Variants in COG7 observed in about 807,000 individuals in gnomAD.
The protein encoded by COG7 is component of oligomeric golgi complex 7, also known as conserved oligomeric Golgi complex subunit 7.
A neutral mutation model predicts 91.5 loss-of-function variants in COG7; 49 were observed. That is an observed-to-expected ratio of 0.54 (90% CI 0.43 to 0.68). The LOEUF (loss-of-function observed/expected upper bound fraction) is 0.68. Ranked by LOEUF, COG7 falls within the 30% of genes least tolerant of loss-of-function variation. COG7 has a pLI of 0.00. For missense variants in COG7, 895 were observed against 961.3 expected, an observed-to-expected ratio of 0.93 and a Z score of 0.91; for synonymous variants, 365 against 388.7, an observed-to-expected ratio of 0.94 and a Z score of 0.72.
In COG7 at chr16:23,424,770, T is replaced by C; in HGVS notation, c.988A>G (p.Met330Val). 11 of 1,614,144 alleles carry C rather than the reference T, an allele frequency of 6.8e-6. No individual in the cohort carries two copies. The highest frequency in any genetic ancestry group is 9.3e-6 in the Non-Finnish European group (11 of 1,180,014). ...ATAHFAKGLE[M>V]ALLPHLHEHN... Reference sequence around the variant, plus strand: ...TTACGTAGGTGGGGGAGCAGTGCCATCTCCAAGCCCTTGGCGAAGTGGGCG... The same window carrying C: ...TTACGTAGGTGGGGGAGCAGTGCCACCTCCAAGCCCTTGGCGAAGTGGGCG... Residue 330 changes from methionine (M) to valine (V), a missense_variant, in exon 7 of 17, where the codon ATG becomes GTG. Coordinates refer to ENST00000307149, the MANE Select transcript of COG7 (RefSeq NM_153603.4).
chr16:23,396,277 C>T (rs1269952660), intron 14 of COG7, among the ~76,000 whole-genome samples: 1 of 152,188 alleles, frequency 6.6e-6, no homozygotes, highest in Non-Finnish European at 1.5e-5. Flanking sequence ...CCTCTCTAGA[C>T]CTCAGTTTCT....
intron 12 of COG7, 66 bp from the exon 13 acceptor site, chr16:23,403,900 A>G: frequency 6.2e-7 from 1 of 1,600,374 alleles, no homozygotes. Context: ...TAGCTAGTTA[A>G]CCATTTTGAA....
At chr16:23,439,304 CAAAAAAAAAAAAA>C (rs904010571) in intron 4 of COG7, among the ~76,000 whole-genome samples, 6 of 38,850 alleles carry the variant, frequency 1.5e-4, no homozygotes, top group South Asian at 7.8e-4. Context: ...ACTGTGTCTC[CAAAAAAAAAAAAA>C]AAAAAAAAAA....
Position 23,452,921 on chromosome 16 carries a change from G to C in COG7, c.74C>G (p.Ser25Cys). 6.2e-7 allele frequency: 1 copy of C among 1,614,086 alleles called. No homozygotes were observed. The highest frequency in any genetic ancestry group is 8.5e-7 in the Non-Finnish European group (1 of 1,179,984). The change falls in exon 1 of 17, where the codon TCC becomes TGC. Residue 25 changes from serine to cysteine, a missense_variant. Coordinates refer to ENST00000307149, the MANE Select transcript of COG7 (RefSeq NM_153603.4). ...CGCCTTCCCGGACGCCGCCTCCTTG[G>C]AGCCGGCCCTGAAGGCCGCATTGAT... ...EWINAAFRAG[S>C]KEAASGKADG...
At chr16:23,444,694 G>A (rs575318020) in intron 3 of COG7, among the ~76,000 whole-genome samples, 63 of 151,508 alleles carry the variant, frequency 4.2e-4, no homozygotes, top group African/African-American at 1.5e-3. Context: ...TTGTAGAGAC[G>A]GGGGTCTCAT....
chr16:23,434,285 C>T (rs1040636785), intron 5 of COG7, among the ~76,000 whole-genome samples: 5 of 151,712 alleles, frequency 3.3e-5, no homozygotes, highest in African/African-American at 9.7e-5. Context: ...AACCCTATCT[C>T]TAAAGAAAAA....
intron 11 of COG7, among the ~76,000 whole-genome samples, chr16:23,407,111 G>T: frequency 6.6e-6 from 1 of 152,186 alleles, no homozygotes; most frequent in Non-Finnish European, 1.5e-5. Flanking sequence ...CAGTTTTTAG[G>T]ATGCACTCAC....
intron 6 of COG7, among the ~76,000 whole-genome samples, chr16:23,433,244 C>T (rs1043801711): frequency 6.6e-6 from 1 of 152,202 alleles, no homozygotes; most frequent in Non-Finnish European, 1.5e-5. Flanking sequence ...AATTGTGCCA[C>T]CACACCTGGC....
Position 23,442,761 on chromosome 16 carries a change from C to T in COG7, c.436-116G>A, listed in dbSNP as rs114815369. ...CAAGTATGAAAATGGGGCTGGGCAT[C>T]GTGGTGGTTCATGCCTGTAATCCCA... On this transcript the variant is annotated intron_variant, in intron 3 of 16. Coordinates refer to ENST00000307149, the MANE Select transcript of COG7 (RefSeq NM_153603.4). 3.8e-4 allele frequency: 351 copies of T among 927,342 alleles called. 1 individual carries two copies. In the African/African-American group the frequency reaches 4.9e-3, roughly 13 times the overall value. The allele number at this position is 927,342 out of a possible 1,614,324, so 57.4% of individuals were successfully genotyped here.
chr16:23,445,367 G>A (rs188917503), intron 2 of COG7, among the ~76,000 whole-genome samples: 5 of 151,934 alleles, frequency 3.3e-5, no homozygotes, highest in Admixed American at 6.6e-5. Context: ...GCATAGTTTC[G>A]GGGAGCCAGG....
intron 14 of COG7, among the ~76,000 whole-genome samples, chr16:23,394,147 G>GA (rs1963246365): frequency 6.6e-6 from 1 of 150,638 alleles, no homozygotes; most frequent in African/African-American, 2.4e-5. Context: ...AATTCTGTTT[G>GA]AAAAAAAGCC....
At chr16:23,450,479 T>C (rs1019583871) in intron 1 of COG7, among the ~76,000 whole-genome samples, 1 of 152,158 alleles carries the variant, frequency 6.6e-6, no homozygotes, top group Non-Finnish European at 1.5e-5. Context: ...CCACTGCCCA[T>C]TTCTGGACAC....
chr16:23,410,221 G>T (rs149330677), intron 11 of COG7, 74 bp downstream of exon 11: 3 of 1,206,034 alleles, frequency 2.5e-6, no homozygotes, highest in Non-Finnish European at 3.7e-6. Context: ...TGTCCTTGCT[G>T]TACTGTGTAC....
Position 23,417,132 on chromosome 16 carries a change from A to G in COG7, c.1138-11T>C. 6.2e-7 allele frequency: 1 copy of G among 1,614,198 alleles called. No homozygotes were observed. Among genetic ancestry groups the G allele is most frequent in the Non-Finnish European group, 8.5e-7 (1 of 1,180,000 alleles). ...CACTTCCCCATGCTCCTGGTCAGCA[A>G]ATACAGACAAAGCTGCATTAGGCTT... On this transcript the variant is annotated splice_polypyrimidine_tract_variant and intron_variant, in intron 8 of 16. Coordinates refer to ENST00000307149, the MANE Select transcript of COG7 (RefSeq NM_153603.4).
rs1886008398 is a variant in COG7 at position 23,453,094 on chromosome 16, G to C, written c.-100C>G. On this transcript the variant is annotated 5_prime_UTR_variant, in exon 1 of 17. Transcript: ENST00000307149. ...CGAGCCTGCGAGAGCACCGAGGCTA[G>C]CCTCCGAGGCGAACCCCAGAAACGC... 2.6e-6 allele frequency: 4 copies of C among 1,560,514 alleles called. No homozygotes were observed. In the African/African-American group the frequency reaches 5.4e-5, roughly 21 times the overall value.
chr16:23,444,958 G>A, intron 3 of COG7, 90 bp downstream of exon 3: 1 of 941,050 alleles, frequency 1.1e-6, no homozygotes, highest in Non-Finnish European at 1.8e-6. Flanking sequence ...TGCTGCTATT[G>A]GCTATCAACT....
intron 6 of COG7, among the ~76,000 whole-genome samples, chr16:23,427,112 G>A (rs1280943457): frequency 6.6e-6 from 1 of 152,072 alleles, no homozygotes; most frequent in Non-Finnish European, 1.5e-5. Context: ...TTAGCCAGGT[G>A]TGGTGGTGTG....
At chr16:23,426,917 G>C (rs1308418214) in intron 6 of COG7, among the ~76,000 whole-genome samples, 1 of 151,538 alleles carries the variant, frequency 6.6e-6, no homozygotes, top group Non-Finnish European at 1.5e-5. Flanking sequence ...ATTATTTTAT[G>C]TGTAGAAAAT....
chr16:23,389,152 C>T (rs1281864671), intron 16 of COG7, 66 bp from the exon 17 acceptor site: 36 of 1,572,438 alleles, frequency 2.3e-5, no homozygotes, highest in Admixed American at 5.3e-5. Flanking sequence ...CAGAGCCCCA[C>T]AGGGCCTCCC....
Sources: allele counts gnomAD v4.1 joint callset (sites outside exome capture counted in the v4.1 genomes callset), GRCh38; gene constraint gnomAD v4.1.1; transcripts MANE v1.5; gene names NCBI Gene and HGNC (gene_info 2026-07-23, HGNC 2026-07-21).